Variants in SP4 observed in about 807,000 individuals in gnomAD.
The protein encoded by SP4 is Sp4 transcription factor.
A neutral mutation model predicts 72.8 loss-of-function variants in SP4; 19 were observed. The observed-to-expected ratio is 0.26, with a 90% CI of 0.18 to 0.38. SP4 has a LOEUF of 0.38. SP4 is among the 10% of genes least tolerant of loss of function. SP4 has a pLI of 1.00. For missense variants in SP4, 1,008 were observed against 926.3 expected, an observed-to-expected ratio of 1.09 and a Z score of -1.14; for synonymous variants, 395 against 333.1, an observed-to-expected ratio of 1.19 and a Z score of -2.02.
chr7:21,462,651 T>A (rs2128402842), intron 3 of SP4, among the ~76,000 whole-genome samples: 1 of 152,296 alleles, frequency 6.6e-6, no homozygotes, highest in Middle Eastern at 3.4e-3. Context: ...GGTGTAGAAA[T>A]TATGGCAGTG....
chr7:21,457,609 G>GT (rs1159749176), intron 3 of SP4, among the ~76,000 whole-genome samples: 1 of 152,202 alleles, frequency 6.6e-6, no homozygotes, highest in Admixed American at 6.5e-5. Context: ...GGCCAAGAGT[G>GT]TTTTTGATAA....
chr7:21,507,336 A>G (rs1782024929), intron 5 of SP4, among the ~76,000 whole-genome samples: 1 of 152,154 alleles, frequency 6.6e-6, no homozygotes, highest in African/African-American at 2.4e-5. Flanking sequence ...TCCCTCTTAC[A>G]GTGTTCTTTT....
At chr7:21,463,532 C>G (rs190923545) in intron 3 of SP4, among the ~76,000 whole-genome samples, 30 of 152,258 alleles carry the variant, frequency 2.0e-4, no homozygotes, top group African/African-American at 7.2e-4. Context: ...GGATGCTAAG[C>G]GAAGCCAGAG....
intron 5 of SP4, among the ~76,000 whole-genome samples, chr7:21,487,110 T>C (rs1784835498): frequency 6.6e-6 from 1 of 152,214 alleles, no homozygotes; most frequent in African/African-American, 2.4e-5. Flanking sequence ...TTTTGTTCTT[T>C]GGGTTATAAT....
chr7:21,436,767 A>G (rs1783063054), intron 3 of SP4, among the ~76,000 whole-genome samples: 1 of 152,306 alleles, frequency 6.6e-6, no homozygotes, highest in Admixed American at 6.5e-5. Flanking sequence ...TTGAACCACA[A>G]ATTGCTTATT....
intron 5 of SP4, among the ~76,000 whole-genome samples, chr7:21,491,751 A>T (rs1784984661): frequency 6.6e-6 from 1 of 152,182 alleles, no homozygotes; most frequent in Non-Finnish European, 1.5e-5. Flanking sequence ...TCAACTATCA[A>T]CTCACCATTT....
intron 4 of SP4, among the ~76,000 whole-genome samples, chr7:21,478,700 T>G (rs74944282): frequency 0.097 from 14,728 of 152,266 alleles, 1,253 homozygotes; most frequent in East Asian, 0.29. Flanking sequence ...TTAAATTATA[T>G]TATTTATTTT....
At chr7:21,465,402 G>A (rs1339237316) in intron 3 of SP4, among the ~76,000 whole-genome samples, 3 of 151,940 alleles carry the variant, frequency 2.0e-5, no homozygotes, top group Non-Finnish European at 4.4e-5. Context: ...TCTGGATTCA[G>A]GCTGACCTAG....
chr7:21,442,147 T>C (rs983931935), intron 3 of SP4, among the ~76,000 whole-genome samples: 20 of 150,758 alleles, frequency 1.3e-4, no homozygotes, highest in Admixed American at 6.6e-4. Context: ...CAAGTGATTC[T>C]CCTCCCTCAG....
Position 21,446,058 on chromosome 7 carries a change from G to A in SP4, c.1678+15215G>A, listed in dbSNP as rs866548339. 5.1e-4 allele frequency among the ~76,000 whole-genome samples: 76 copies of A among 150,372 alleles called. 1 individual carries two copies. The highest frequency in any genetic ancestry group is 1.1e-3 in the Admixed American group (16 of 15,130). ...CGCATATGTAGGTAGATATATATGT[G>A]TGTGTGTGTGTGTGGTGTGTGCATA... On this transcript the variant is annotated intron_variant, in intron 3 of 5. Transcript: ENST00000222584.
rs773665560 is a variant in SP4, at chr7:21,430,043, G to C, written c.878G>C (p.Gly293Ala). The C allele has an allele frequency of 1.2e-5, 20 of 1,613,972 alleles. No individual in the cohort carries two copies. The Admixed American group carries it at 3.0e-4, about 24-fold the overall frequency. ...CAGCCTGCTGCTACTGCTGATAGTG[G>C]GACTTCCAATGGGAATCAATTAGTT... ...VGQPAATADS[G>A]TSNGNQLVST... Residue 293 changes from glycine to alanine, a missense_variant, in exon 3 of 6, where the codon GGG (glycine) becomes GCG (alanine). By Grantham distance (60) the Gly-to-Ala change is moderately conservative. Transcript: ENST00000222584.
At chr7:21,486,243 T>C (rs1386202438) in intron 5 of SP4, among the ~76,000 whole-genome samples, 1 of 152,032 alleles carries the variant, frequency 6.6e-6, no homozygotes, top group Non-Finnish European at 1.5e-5. Flanking sequence ...GAAATAATTT[T>C]ATACTTAGAG....
At chr7:21,452,645 GA>G (rs1167251563) in intron 3 of SP4, among the ~76,000 whole-genome samples, 4 of 152,112 alleles carry the variant, frequency 2.6e-5, no homozygotes, top group African/African-American at 9.7e-5. Flanking sequence ...TGTTGCAAAA[GA>G]AAACAGATTT....
chr7:21,463,435 T>A (rs1307587398), intron 3 of SP4, among the ~76,000 whole-genome samples: 1 of 152,216 alleles, frequency 6.6e-6, no homozygotes, highest in Non-Finnish European at 1.5e-5. Context: ...TTCCTTGGTG[T>A]TTAGCAGCCT....
chr7:21,444,066 G>C (rs1395296057), intron 3 of SP4, among the ~76,000 whole-genome samples: 1 of 152,010 alleles, frequency 6.6e-6, no homozygotes, highest in African/African-American at 2.4e-5. Flanking sequence ...TTAATTATAG[G>C]GCAAGTAAAT....
chr7:21,436,523 G>A (rs1783056022), intron 3 of SP4, among the ~76,000 whole-genome samples: 1 of 152,168 alleles, frequency 6.6e-6, no homozygotes, highest in South Asian at 2.1e-4. Context: ...TGTTTGAAGT[G>A]AAAGCAGAAA....
intron 5 of SP4, among the ~76,000 whole-genome samples, chr7:21,484,612 T>G (rs1375692107): frequency 6.6e-6 from 1 of 151,930 alleles, no homozygotes; most frequent in East Asian, 1.9e-4. Context: ...TAAAAGTTAA[T>G]TCCATACCAG....
At chr7:21,472,307 C>G (rs575494024) in intron 3 of SP4, among the ~76,000 whole-genome samples, 2 of 151,958 alleles carry the variant, frequency 1.3e-5, no homozygotes, top group South Asian at 4.2e-4. Context: ...TTGAGAGGGA[C>G]TTTCTCTGTC....
At chr7:21,451,937 G>A (rs951695833) in intron 3 of SP4, among the ~76,000 whole-genome samples, 1 of 152,136 alleles carries the variant, frequency 6.6e-6, no homozygotes, top group Non-Finnish European at 1.5e-5. Context: ...CTGAGACCTG[G>A]GTGCGTGGGG....
Sources: allele counts gnomAD v4.1 joint callset (sites outside exome capture counted in the v4.1 genomes callset), GRCh38; gene constraint gnomAD v4.1.1; transcripts MANE v1.5; gene names NCBI Gene and HGNC (gene_info 2026-07-23, HGNC 2026-07-21).